The following IL1RAPL1 variants were observed in gnomAD, a reference collection of about 807,000 sequenced individuals.
IL1RAPL1 encodes the protein interleukin 1 receptor accessory protein like 1.
IL1RAPL1 carries 3 observed loss-of-function variants against 48.4 expected under a neutral mutation model. That is an observed-to-expected ratio of 0.06 (90% CI 0.03 to 0.16). The LOEUF (loss-of-function observed/expected upper bound fraction) is 0.16, where lower values mean the gene tolerates loss of function less well. IL1RAPL1 is among the 10% of genes least tolerant of loss of function. The probability of loss-of-function intolerance (pLI) is 1.00; values close to 1 mark genes in which losing one functional copy is unlikely to be tolerated. For synonymous variants in IL1RAPL1, 185 were observed against 187.7 expected, an observed-to-expected ratio of 0.99 and a Z score of 0.12; for missense variants, 349 against 530.6, an observed-to-expected ratio of 0.66 and a Z score of 3.36.
At chrX:29,240,120 T>C (rs1316220593) in intron 2 of IL1RAPL1, among the ~76,000 whole-genome samples, 1 of 100,405 alleles carries the variant, frequency 1.0e-5, no homozygotes, top group Non-Finnish European at 2.0e-5. Context: ...GTTCTGGGGA[T>C]TAGGACATGG....
At chrX:28,883,070 A>G (rs776718023) in intron 2 of IL1RAPL1, among the ~76,000 whole-genome samples, 235 of 111,415 alleles carry the variant, frequency 2.1e-3, no homozygotes, top group African/African-American at 7.3e-3. Flanking sequence ...ATAGACTCCT[A>G]TAACTTTATT....
intron 6 of IL1RAPL1, among the ~76,000 whole-genome samples, chrX:29,760,476 A>G (rs1928728814): frequency 9.0e-6 from 1 of 111,614 alleles, no homozygotes; most frequent in Admixed American, 9.6e-5. Flanking sequence ...AAAAAGTTTA[A>G]CTTATTTGTT....
chrX:29,927,148 C>T (rs918722085), intron 8 of IL1RAPL1, among the ~76,000 whole-genome samples: 2 of 112,055 alleles, frequency 1.8e-5, no homozygotes, highest in African/African-American at 6.5e-5. Context: ...AATTCATTAG[C>T]CTGGGGTAGG....
At chrX:29,441,523 A>G (rs1934547451) in intron 5 of IL1RAPL1, among the ~76,000 whole-genome samples, 1 of 112,228 alleles carries the variant, frequency 8.9e-6, no homozygotes, top group South Asian at 3.7e-4. Context: ...CTTCACAACT[A>G]TGTCCCTGTA....
intron 2 of IL1RAPL1, among the ~76,000 whole-genome samples, chrX:28,892,339 G>T (rs1202337711): frequency 1.8e-5 from 2 of 109,010 alleles, no homozygotes; most frequent in Non-Finnish European, 3.8e-5. Flanking sequence ...GCTCAGTGGG[G>T]GAGCTTTTTG....
chrX:29,608,947 A>T (rs1369321149), intron 5 of IL1RAPL1, among the ~76,000 whole-genome samples: 1 of 112,486 alleles, frequency 8.9e-6, no homozygotes, highest in South Asian at 3.7e-4. Flanking sequence ...ACTTCTATCT[A>T]TCAAGAAGGG....
chrX:28,813,956 C>T (rs911725647), intron 2 of IL1RAPL1, among the ~76,000 whole-genome samples: 1 of 110,504 alleles, frequency 9.0e-6, no homozygotes, highest in Admixed American at 9.7e-5. Flanking sequence ...TGAGCTGAGT[C>T]CCGAGTGAAT....
At chrX:28,987,259 C>A (rs1053846320) in intron 2 of IL1RAPL1, among the ~76,000 whole-genome samples, 1 of 112,318 alleles carries the variant, frequency 8.9e-6, no homozygotes, top group Non-Finnish European at 1.9e-5. Flanking sequence ...AGATTGAGTT[C>A]TCCATGCTGT....
At chrX:29,409,233 A>T (rs1418129706) in intron 5 of IL1RAPL1, among the ~76,000 whole-genome samples, 3 of 112,223 alleles carry the variant, frequency 2.7e-5, no homozygotes, top group Admixed American at 9.5e-5. Context: ...TCCAGGATCC[A>T]TACCCACAAA....
At chrX:29,359,212 A>G (rs1034838598) in intron 3 of IL1RAPL1, among the ~76,000 whole-genome samples, 2 of 111,512 alleles carry the variant, frequency 1.8e-5, no homozygotes, top group Non-Finnish European at 3.8e-5. Flanking sequence ...CAAATTCCTT[A>G]CTTTCATTAT....
intron 2 of IL1RAPL1, among the ~76,000 whole-genome samples, chrX:29,091,749 G>T (rs1377840874): frequency 9.0e-6 from 1 of 110,776 alleles, no homozygotes; most frequent in Admixed American, 9.7e-5. Context: ...ATACTAAGAG[G>T]CTCAGAAGTG....
At chrX:29,947,122 G>A (rs1405930618) in intron 9 of IL1RAPL1, among the ~76,000 whole-genome samples, 1 of 111,312 alleles carries the variant, frequency 9.0e-6, no homozygotes, top group Non-Finnish European at 1.9e-5. Flanking sequence ...CCTAATAAGG[G>A]CAAGCTACTG....
At chrX:29,366,030 A>G (rs1933448783) in intron 3 of IL1RAPL1, among the ~76,000 whole-genome samples, 2 of 94,689 alleles carry the variant, frequency 2.1e-5, no homozygotes, top group Admixed American at 1.3e-4. Context: ...CCTGGATGAT[A>G]GAGTGAGACT....
Position 29,655,183 on chromosome X carries a change from A to G in IL1RAPL1, c.704-13247A>G, listed in dbSNP as rs187231864. 6.3e-3 allele frequency among the ~76,000 whole-genome samples: 709 copies of G among 111,812 alleles called. 4 individuals are homozygous for G. Among genetic ancestry groups the G allele is most frequent in the African/African-American group, 0.022 (685 of 30,784 alleles). On this transcript the variant is annotated intron_variant, in intron 5 of 10. Transcript: ENST00000378993. ...TCAAACCTCTTCAAATCCTACAGTA[A>G]AAGTTTCACTATTGTCAAATATAGC...
At chrX:28,782,179 G>A (rs759581491) in intron 1 of IL1RAPL1, among the ~76,000 whole-genome samples, 72 of 110,418 alleles carry the variant, frequency 6.5e-4, no homozygotes, top group Non-Finnish European at 1.3e-3. Flanking sequence ...ATATTATATG[G>A]GCACTAGCCT....
intron 2 of IL1RAPL1, among the ~76,000 whole-genome samples, chrX:28,973,270 A>G (rs754150662): frequency 2.7e-5 from 3 of 112,466 alleles, no homozygotes; most frequent in African/African-American, 9.7e-5. Flanking sequence ...AAACATGCTC[A>G]TACATATTGA....
chrX:28,642,271 A>C (rs1934554485), intron 1 of IL1RAPL1, among the ~76,000 whole-genome samples: 1 of 111,442 alleles, frequency 9.0e-6, no homozygotes, highest in African/African-American at 3.3e-5. Context: ...AAAATTAACA[A>C]GGATATTCAG....
intron 1 of IL1RAPL1, among the ~76,000 whole-genome samples, chrX:28,750,169 T>C (rs1021058507): frequency 9.0e-6 from 1 of 110,765 alleles, no homozygotes; most frequent in African/African-American, 3.3e-5. Flanking sequence ...GCCAGGCTGG[T>C]CTCAAACTCA....
intron 1 of IL1RAPL1, among the ~76,000 whole-genome samples, chrX:28,614,123 A>T (rs1049467740): frequency 4.5e-5 from 5 of 112,281 alleles, no homozygotes; most frequent in Admixed American, 9.5e-5. Flanking sequence ...TGGAAAATTA[A>T]TGGAAAGAAT....
Sources: allele counts gnomAD v4.1 joint callset (sites outside exome capture counted in the v4.1 genomes callset), GRCh38; gene constraint gnomAD v4.1.1; transcripts MANE v1.5; gene names NCBI Gene and HGNC (gene_info 2026-07-23, HGNC 2026-07-21).